The following JARID2 variants were observed in gnomAD, a reference collection of about 807,000 sequenced individuals.
JARID2 encodes protein Jumonji.
Under a neutral mutation model 125.6 loss-of-function variants are expected in JARID2, and 21 were observed. That is an observed-to-expected ratio of 0.17 (90% CI 0.12 to 0.24). The LOEUF (loss-of-function observed/expected upper bound fraction) is 0.24, where lower values mean the gene tolerates loss of function less well. JARID2 is among the 10% of genes least tolerant of loss of function. The pLI, the probability that JARID2 is intolerant of heterozygous loss-of-function variation, is 1.00. For missense variants in JARID2, 1,303 were observed against 1,639.6 expected, an observed-to-expected ratio of 0.79 and a Z score of 3.55; for synonymous variants, 736 against 661.6, an observed-to-expected ratio of 1.11 and a Z score of -1.73.
chr6:15,517,703 C>G (rs555723775), intron 17 of JARID2, among the ~76,000 whole-genome samples: 1 of 152,274 alleles, frequency 6.6e-6, no homozygotes, highest in Admixed American at 6.5e-5. Flanking sequence ...AGGACGGGCC[C>G]CATGATGTGA....
chr6:15,285,106 GTTT>G lies in JARID2; in HGVS notation c.45+38541_45+38543del, dbSNP rs199945772. On this transcript the variant is annotated intron_variant, in intron 1 of 17. Transcript: ENST00000341776. The stretch of plus-strand genomic sequence containing the variant: ...TTTGCATTAATGTGAGTCTTTCTGG[GTTT>G]TTTTTTTTTTTTTTTTTTGAAAGGA... 1.2e-3 allele frequency among the ~76,000 whole-genome samples: 143 copies of G among 119,458 alleles called. 1 individual carries two copies. The highest frequency in any genetic ancestry group is 5.2e-3 in the East Asian group (22 of 4,214). 78.4% of individuals were successfully genotyped at this position (119,458 alleles called of 152,430 possible).
chr6:15,402,272 G>A (rs1183449957), intron 2 of JARID2, among the ~76,000 whole-genome samples: 1 of 152,100 alleles, frequency 6.6e-6, no homozygotes, highest in Non-Finnish European at 1.5e-5. Context: ...CAGCAGCTTT[G>A]CTTATCTTTG....
At chr6:15,383,521 G>C (rs1764670848) in intron 2 of JARID2, among the ~76,000 whole-genome samples, 1 of 152,022 alleles carries the variant, frequency 6.6e-6, no homozygotes, top group South Asian at 2.1e-4. Context: ...TCTCCTGCCT[G>C]CTGTATCTTT....
chr6:15,406,894 C>A (rs758576849), intron 2 of JARID2, among the ~76,000 whole-genome samples: 2 of 152,054 alleles, frequency 1.3e-5, no homozygotes, highest in Non-Finnish European at 2.9e-5. Flanking sequence ...CTATTTGTCA[C>A]GTTGGCTGAT....
chr6:15,263,049 A>T (rs1282618855), intron 1 of JARID2, among the ~76,000 whole-genome samples: 1 of 150,494 alleles, frequency 6.6e-6, no homozygotes, highest in Non-Finnish European at 1.5e-5. Flanking sequence ...CTGGGGCTCT[A>T]GCTTGCCCTT....
intron 1 of JARID2, among the ~76,000 whole-genome samples, chr6:15,371,121 G>T (rs1343852353): frequency 6.6e-6 from 1 of 152,222 alleles, no homozygotes; most frequent in Non-Finnish European, 1.5e-5. Context: ...CTTCATAGGT[G>T]TAATGAAGCT....
At chr6:15,395,718 G>A (rs1765195723) in intron 2 of JARID2, among the ~76,000 whole-genome samples, 2 of 151,930 alleles carry the variant, frequency 1.3e-5, no homozygotes, top group Admixed American at 6.5e-5. Context: ...AGGCTGGAGT[G>A]CAGTGGCGAG....
At chr6:15,280,642 T>TC (rs1410937603) in intron 1 of JARID2, among the ~76,000 whole-genome samples, 1 of 151,812 alleles carries the variant, frequency 6.6e-6, no homozygotes, top group African/African-American at 2.4e-5. Context: ...TTTTTTTTTT[T>TC]TTTTGAGATG....
intron 1 of JARID2, among the ~76,000 whole-genome samples, chr6:15,328,819 G>A (rs1227206614): frequency 1.3e-5 from 2 of 152,160 alleles, no homozygotes; most frequent in African/African-American, 2.4e-5. Context: ...GGCTATTATT[G>A]CTGCAGGAAG....
intron 1 of JARID2, among the ~76,000 whole-genome samples, chr6:15,255,142 T>C (rs1021802799): frequency 6.9e-6 from 1 of 145,396 alleles, no homozygotes; most frequent in Non-Finnish European, 1.5e-5. Flanking sequence ...GGAATTCTTT[T>C]TTTTTTTTTT....
rs1761211586 is a variant in JARID2, at chr6:15,291,465, C to G, written c.45+44881C>G. 2.0e-5 allele frequency among the ~76,000 whole-genome samples: 3 copies of G among 152,188 alleles called. No individual in the cohort carries two copies. The South Asian group carries it at 6.2e-4, about 32-fold the overall frequency. ...TCCCCTCCTGTTCTCAGTGACCTAA[C>G]TAATCTGGTTTCTCAGCCTGCGTCA... On this transcript the variant is annotated intron_variant, in intron 1 of 17. Transcript: ENST00000341776.
intron 1 of JARID2, among the ~76,000 whole-genome samples, chr6:15,303,881 A>G (rs1343980314): frequency 5.3e-5 from 8 of 152,160 alleles, no homozygotes; most frequent in Non-Finnish European, 1.2e-4. Context: ...AAGTTTAATA[A>G]TCGGTAATCT....
intron 1 of JARID2, chr6:15,248,386 G>GA (rs1444079273): frequency 1.4e-5 from 2 of 141,652 alleles, no homozygotes; most frequent in East Asian, 2.1e-4. Flanking sequence ...GGGGCGCGGG[G>GA]GTGGCGCGGC....
chr6:15,456,506 C>T (rs1052786685), intron 4 of JARID2, among the ~76,000 whole-genome samples: 4 of 152,228 alleles, frequency 2.6e-5, no homozygotes, highest in African/African-American at 4.8e-5. Context: ...TGTTCGTATA[C>T]AATATTGTAC....
At chr6:15,342,485 C>T (rs1409893508) in intron 1 of JARID2, among the ~76,000 whole-genome samples, 3 of 152,160 alleles carry the variant, frequency 2.0e-5, no homozygotes, top group Admixed American at 2.0e-4. Context: ...TTAGCACCTA[C>T]CTAGCATTGG....
At position 15,520,091 on chromosome 6, in the gene JARID2, A is replaced by G. The variant is rs758694722; in HGVS notation, c.3581A>G (p.Asn1194Ser). 36 of 1,613,238 alleles carry G rather than the reference A, an allele frequency of 2.2e-5. No individual in the cohort carries two copies. In the Middle Eastern group the frequency reaches 4.9e-4, roughly 22 times the overall value. Residue 1194 changes from asparagine (N) to serine (S), a missense_variant, in exon 18 of 18, where the codon AAT (asparagine) becomes AGT (serine). Coordinates refer to ENST00000341776, the MANE Select transcript of JARID2 (RefSeq NM_004973.4). ...YDEEQIISLV[N>S]QICGKVSGKN... ...CAGGAACAGATTATCAGTCTGGTCA[A>G]TCAGATCTGCGGCAAAGTGTCTGGT...
chr6:15,262,279 C>G (rs749016167), intron 1 of JARID2, among the ~76,000 whole-genome samples: 1 of 151,850 alleles, frequency 6.6e-6, no homozygotes, highest in Non-Finnish European at 1.5e-5. Flanking sequence ...TTCTTCCAGC[C>G]TCTTACACCT....
chr6:15,267,289 CTGACATAA>C (rs1760122335), intron 1 of JARID2, among the ~76,000 whole-genome samples: 1 of 152,132 alleles, frequency 6.6e-6, no homozygotes, highest in Non-Finnish European at 1.5e-5. Context: ...TTATCAGTAT[CTGACATAA>C]GACAGAGTGA....
At chr6:15,279,975 C>T (rs577510493) in intron 1 of JARID2, among the ~76,000 whole-genome samples, 22 of 152,178 alleles carry the variant, frequency 1.4e-4, no homozygotes, top group East Asian at 5.8e-4. Context: ...CTTTATATTT[C>T]GGGAAATTTC....
Sources: gnomAD v4.1 joint callset for allele counts (sites outside exome capture counted in the v4.1 genomes callset) on GRCh38, gnomAD v4.1.1 for gene constraint, MANE v1.5 for transcripts, NCBI Gene and HGNC (gene_info 2026-07-23, HGNC 2026-07-21) for gene names.